STOX2: variants seen among roughly 807,000 people sequenced by gnomAD.
STOX2 encodes the protein storkhead-box protein 2.
STOX2 carries 28 observed loss-of-function variants against 60.9 expected under a neutral mutation model. That is an observed-to-expected ratio of 0.46 (90% confidence interval 0.34 to 0.63). The LOEUF (loss-of-function observed/expected upper bound fraction) is 0.63, where lower values mean the gene tolerates loss of function less well. STOX2 is among the 30% of genes least tolerant of loss of function. The pLI is 0.01. For synonymous variants in STOX2, 472 were observed against 463.9 expected, an observed-to-expected ratio of 1.02 and a Z score of -0.22; for missense variants, 1,024 against 1,187.7, an observed-to-expected ratio of 0.86 and a Z score of 2.03.
intron 1 of STOX2, among the ~76,000 whole-genome samples, chr4:183,961,356 T>TTGCTGC (rs755147300): frequency 0.013 from 1,976 of 151,702 alleles, 45 homozygotes; most frequent in African/African-American, 0.045. Context: ...CAAGTGATGG[T>TTGCTGC]TGCTGCTGCT....
intron 1 of STOX2, among the ~76,000 whole-genome samples, chr4:183,816,879 T>C (rs1237615467): frequency 6.6e-6 from 1 of 152,232 alleles, no homozygotes; most frequent in Non-Finnish European, 1.5e-5. Flanking sequence ...CAAAACTTCT[T>C]TGCAGAGGAA....
At chr4:183,978,534 G>A (rs1351130964) in intron 1 of STOX2, among the ~76,000 whole-genome samples, 2 of 152,164 alleles carry the variant, frequency 1.3e-5, no homozygotes, top group Non-Finnish European at 2.9e-5. Flanking sequence ...GTCAGGTGAT[G>A]TGATGCCTCC....
intron 1 of STOX2, among the ~76,000 whole-genome samples, chr4:183,842,013 C>T (rs564745476): frequency 6.6e-6 from 1 of 152,330 alleles, no homozygotes; most frequent in South Asian, 2.1e-4. Context: ...CTCATATAAT[C>T]CCTGTAAGAA....
intron 1 of STOX2, among the ~76,000 whole-genome samples, chr4:183,911,898 G>A (rs931630904): frequency 6.6e-6 from 1 of 152,130 alleles, no homozygotes; most frequent in East Asian, 1.9e-4. Context: ...TAAAGTAGAG[G>A]TTCTTCTAGT....
intron 1 of STOX2, among the ~76,000 whole-genome samples, chr4:183,848,626 A>T (rs941771742): frequency 1.3e-5 from 2 of 152,096 alleles, no homozygotes; most frequent in African/African-American, 4.8e-5. Context: ...GGCTAGATAG[A>T]AGCTAAGAGG....
intron 1 of STOX2, among the ~76,000 whole-genome samples, chr4:183,898,235 C>A (rs979397945): frequency 1.3e-5 from 2 of 151,998 alleles, no homozygotes; most frequent in Non-Finnish European, 2.9e-5. Context: ...CACAGTATGG[C>A]GGTGGACTGT....
chr4:183,994,185 A>G (rs556758671), intron 1 of STOX2, among the ~76,000 whole-genome samples: 2 of 152,196 alleles, frequency 1.3e-5, no homozygotes, highest in Non-Finnish European at 2.9e-5. Flanking sequence ...GAGTGTGCGG[A>G]GAGGAATAGA....
At chr4:183,898,482 A>G (rs1741390536) in intron 1 of STOX2, among the ~76,000 whole-genome samples, 1 of 152,234 alleles carries the variant, frequency 6.6e-6, no homozygotes, top group South Asian at 2.1e-4. Context: ...TTCAGTTGAC[A>G]GTAGGAAGTA....
rs185726586 is a variant in STOX2 at position 183,922,754 on chromosome 4, A to G, written c.166+15798A>G. Among the ~76,000 whole-genome samples, 4 of 152,302 alleles carry G rather than the reference A, an allele frequency of 2.6e-5. No homozygotes were observed. In the East Asian group the frequency reaches 7.7e-4, roughly 29 times the overall value. On this transcript the variant is annotated intron_variant, in intron 1 of 3. Coordinates refer to ENST00000308497, the MANE Select transcript of STOX2 (RefSeq NM_020225.3). ...ATCCTGGGAACTGTTTTCATCTTGC[A>G]GAACTGAAACTCTGCACCTATTACA...
intron 1 of STOX2, among the ~76,000 whole-genome samples, chr4:183,936,939 A>G (rs1742606309): frequency 6.6e-6 from 1 of 152,242 alleles, no homozygotes; most frequent in East Asian, 1.9e-4. Context: ...TGGGCAGAGC[A>G]TGGATACTTT....
At chr4:183,983,902 C>A (rs1207240842) in intron 1 of STOX2, among the ~76,000 whole-genome samples, 3 of 152,176 alleles carry the variant, frequency 2.0e-5, no homozygotes, top group Non-Finnish European at 4.4e-5. Flanking sequence ...TTCCTGCCTC[C>A]CAAAGTGCTG....
chr4:183,949,752 A>G (rs556150919), intron 1 of STOX2, among the ~76,000 whole-genome samples: 11 of 152,222 alleles, frequency 7.2e-5, no homozygotes, highest in Middle Eastern at 3.4e-3. Flanking sequence ...TACACTTTAG[A>G]TTTTTGCAAG....
chr4:183,879,704 T>G (rs557430162), intron 1 of STOX2, among the ~76,000 whole-genome samples: 5 of 152,192 alleles, frequency 3.3e-5, no homozygotes, highest in Non-Finnish European at 7.4e-5. Flanking sequence ...GTGGCATAGT[T>G]GATTTGCTGC....
intron 1 of STOX2, 26 bp downstream of exon 1, chr4:183,906,982 C>T: frequency 2.0e-6 from 3 of 1,505,716 alleles, no homozygotes; most frequent in Non-Finnish European, 2.7e-6. Flanking sequence ...CGTTTCTGCC[C>T]CCGGGCCGGG....
At chr4:183,878,684 C>T (rs1366861922) in intron 1 of STOX2, among the ~76,000 whole-genome samples, 1 of 152,172 alleles carries the variant, frequency 6.6e-6, no homozygotes, top group Non-Finnish European at 1.5e-5. Flanking sequence ...TTTCAAAGGA[C>T]TTTGAAGGAC....
chr4:183,830,306 C>T (rs1212848970), intron 1 of STOX2, among the ~76,000 whole-genome samples: 1 of 152,164 alleles, frequency 6.6e-6, no homozygotes, highest in Non-Finnish European at 1.5e-5. Flanking sequence ...CCTCATTGGC[C>T]AAGTGCAAGC....
At position 184,009,110 on chromosome 4, in the gene STOX2, A is replaced by G. The variant is rs1560939032; in HGVS notation, c.320-48A>G. The G allele has an allele frequency of 7.4e-7, 1 of 1,355,114 alleles. No homozygotes were observed. Among genetic ancestry groups the G allele is most frequent in the Non-Finnish European group, 9.9e-7 (1 of 1,008,746 alleles). The allele number at this position is 1,355,114 out of a possible 1,614,324, so 83.9% of individuals were successfully genotyped here. On this transcript the variant is annotated intron_variant, in intron 2 of 3. Coordinates refer to ENST00000308497, the MANE Select transcript of STOX2 (RefSeq NM_020225.3). The surrounding 1 kb of genome is among the most constrained non-coding windows in gnomAD (Gnocchi z 4.0). ...AGGATCCTGGAAATCAGGAATCCAC[A>G]TGTTCTGTCTTCATTCTCACAAGTG...
chr4:183,807,112 G>A (rs7688695), intron 1 of STOX2, among the ~76,000 whole-genome samples: 40,795 of 151,790 alleles, frequency 0.27, 6,179 homozygotes, highest in South Asian at 0.43. Context: ...AGCTGGGACT[G>A]CAGGCGACCA....
At position 184,009,907 on chromosome 4, in the gene STOX2, A is replaced by C. The variant is rs778081217; in HGVS notation, c.1069A>C (p.Ser357Arg). 1 of 1,612,690 alleles carries C rather than the reference A, an allele frequency of 6.2e-7. No individual in the cohort carries two copies. The highest frequency in any genetic ancestry group is 8.5e-7 in the Non-Finnish European group (1 of 1,179,342). The change falls in exon 3 of 4, where the codon AGT becomes CGT. Residue 357 changes from serine to arginine, a missense_variant. Transcript: ENST00000308497. This position sits in a 1 kb window ranked among gnomAD's most constrained non-coding sequence, Gnocchi z 4.0. The stretch of plus-strand genomic sequence containing the variant: ...GTCCTCTGCCCATCACAGCGGAAGG[A>C]GTAAAAAGAGTAGGACTCATCGGAA... The part of the protein sequence containing the change: ...AGSSAHHSGR[S>R]KKSRTHRKSH...
Sources: allele counts gnomAD v4.1 joint callset (sites outside exome capture counted in the v4.1 genomes callset), GRCh38; gene constraint gnomAD v4.1.1; non-coding constraint Gnocchi (gnomAD v3.1); transcripts MANE v1.5; gene names NCBI Gene and HGNC (gene_info 2026-07-23, HGNC 2026-07-21).